The following RPTOR variants were observed in gnomAD, a reference collection of about 807,000 sequenced individuals.
The protein encoded by RPTOR is regulatory associated protein of MTOR complex 1.
In RPTOR, 21 loss-of-function variants were observed where a neutral mutation model predicts 169.9. The ratio of observed to expected loss-of-function variants is 0.12; its 90% confidence interval spans 0.09 to 0.18. RPTOR has a LOEUF of 0.18. RPTOR is among the 10% of genes least tolerant of loss of function. The pLI, the probability that RPTOR is intolerant of heterozygous loss-of-function variation, is 1.00. For synonymous variants in RPTOR, 732 were observed against 753.2 expected (o/e 0.97, Z 0.46); for missense variants, 1,133 against 1,855.9 (o/e 0.61, Z 7.16).
intron 6 of RPTOR, among the ~76,000 whole-genome samples, chr17:80,764,045 A>T (rs2066760960): frequency 6.6e-6 from 1 of 152,074 alleles, no homozygotes; most frequent in Non-Finnish European, 1.5e-5. Context: ...TTAGAAACTG[A>T]TTATTGATAT....
intron 20 of RPTOR, among the ~76,000 whole-genome samples, chr17:80,904,481 C>T (rs2068516411): frequency 1.3e-5 from 2 of 152,116 alleles, no homozygotes; most frequent in Non-Finnish European, 2.9e-5. Context: ...ATTTCCCCGC[C>T]GTGTATGCTA....
At chr17:80,673,878 G>A (rs184272104) in intron 3 of RPTOR, among the ~76,000 whole-genome samples, 9 of 152,336 alleles carry the variant, frequency 5.9e-5, no homozygotes, top group African/African-American at 1.7e-4. Flanking sequence ...CTGTGATACT[G>A]GCTGTTGTTT....
intron 21 of RPTOR, among the ~76,000 whole-genome samples, chr17:80,913,975 T>C (rs940903146): frequency 1.4e-4 from 21 of 152,248 alleles, no homozygotes; most frequent in African/African-American, 5.1e-4. Flanking sequence ...TGAGCATAAA[T>C]GCACAAACTC....
intron 4 of RPTOR, among the ~76,000 whole-genome samples, chr17:80,725,252 G>A (rs2143176792): frequency 6.6e-6 from 1 of 152,296 alleles, no homozygotes; most frequent in South Asian, 2.1e-4. Flanking sequence ...AGGCTGCGGC[G>A]ACAGACTGGT....
rs576859580 is a variant in RPTOR at position 80,942,795 on chromosome 17, T to C, written c.3025+2194T>C. Among the ~76,000 whole-genome samples the C allele has an allele frequency of 1.2e-4, 18 of 152,320 alleles. 2 individuals carry two copies. In the South Asian group the frequency reaches 3.3e-3, roughly 28 times the overall value. ...AGGCCCCTGCCCGGCTCTTCAGCCT[T>C]CTCCTGGGCAACATTCACGACCTTG... On this transcript the variant is annotated intron_variant, in intron 25 of 33. Coordinates refer to ENST00000306801, the MANE Select transcript of RPTOR (RefSeq NM_020761.3).
Position 80,784,426 on chromosome 17 carries a change from T to C in RPTOR, c.831-7024T>C, listed in dbSNP as rs1422271748. Among the ~76,000 whole-genome samples, 3 of 151,376 alleles carry C rather than the reference T, an allele frequency of 2.0e-5. No individual in the cohort carries two copies. In the East Asian group the frequency reaches 5.9e-4, roughly 30 times the overall value. ...CTTTTTTTGAGATGGAGTTTCACTC[T>C]TGTTGCCCAGGCTGGAGTGCAATGG... On this transcript the variant is annotated intron_variant, in intron 6 of 33. Coordinates refer to ENST00000306801, the MANE Select transcript of RPTOR (RefSeq NM_020761.3).
chr17:80,828,486 C>T (rs1056536423), intron 9 of RPTOR, among the ~76,000 whole-genome samples: 3 of 152,204 alleles, frequency 2.0e-5, no homozygotes, highest in Non-Finnish European at 4.4e-5. Flanking sequence ...GATGCCTGGC[C>T]GAGACCCGCC....
intron 1 of RPTOR, among the ~76,000 whole-genome samples, chr17:80,585,957 A>C (rs759566063): frequency 6.6e-6 from 1 of 151,084 alleles, no homozygotes; most frequent in Non-Finnish European, 1.5e-5. Context: ...CCTCAATACA[A>C]CGCATTAAAT....
intron 1 of RPTOR, among the ~76,000 whole-genome samples, chr17:80,594,808 T>C (rs2065133331): frequency 6.6e-6 from 1 of 152,224 alleles, no homozygotes; most frequent in Admixed American, 6.5e-5. Flanking sequence ...CCATGGTAAA[T>C]TGCCAGTTGG....
chr17:80,964,177 G>C, intron 33 of RPTOR, 85 bp from the exon 34 acceptor site: 1 of 1,126,484 alleles, frequency 8.9e-7, no homozygotes, highest in Non-Finnish European at 1.3e-6. Flanking sequence ...AGCTGCCTAA[G>C]GATGCGGGTT....
chr17:80,798,225 A>G (rs141686257), intron 7 of RPTOR, among the ~76,000 whole-genome samples: 10 of 152,234 alleles, frequency 6.6e-5, no homozygotes, highest in East Asian at 3.9e-4. Context: ...CCTGTAACCA[A>G]CTTCCCTCCT....
intron 1 of RPTOR, among the ~76,000 whole-genome samples, chr17:80,577,746 C>T (rs2064977459): frequency 6.6e-6 from 1 of 152,168 alleles, no homozygotes; most frequent in Non-Finnish European, 1.5e-5. Context: ...GGCTTCATGC[C>T]CATCTCCAGT....
In RPTOR at chr17:80,938,955, G is replaced by A. The variant is rs182442539; in HGVS notation, c.2920-1541G>A. Reference sequence around the variant, plus strand: ...CACGGAGAAACCGTTTTCTTTCTCCGCCACATTTACGTGCAAGGACGCAAA... The same window carrying A: ...CACGGAGAAACCGTTTTCTTTCTCCACCACATTTACGTGCAAGGACGCAAA... On this transcript the variant is annotated intron_variant, in intron 24 of 33. Transcript: ENST00000306801. 3.9e-5 allele frequency among the ~76,000 whole-genome samples: 6 copies of A among 152,268 alleles called. No individual in the cohort carries two copies. The East Asian group carries it at 5.8e-4, about 15-fold the overall frequency.
rs534133865 is a variant in RPTOR, at chr17:80,683,821, A to G, written c.349-24020A>G. Among the ~76,000 whole-genome samples, 10 of 152,276 alleles carry G rather than the reference A, an allele frequency of 6.6e-5. No individual in the cohort carries two copies. In the South Asian group the frequency reaches 1.9e-3, roughly 28 times the overall value. On this transcript the variant is annotated intron_variant, in intron 3 of 33. Coordinates refer to ENST00000306801, the MANE Select transcript of RPTOR (RefSeq NM_020761.3). ...GCAATTCCTTGCTTTCAGGCACGACAAGGTGGAGCAGCCTCATATTCTACC... is the reference window on the plus strand; with the variant it reads ...GCAATTCCTTGCTTTCAGGCACGACGAGGTGGAGCAGCCTCATATTCTACC...
At chr17:80,663,724 C>A (rs1360692663) in intron 3 of RPTOR, among the ~76,000 whole-genome samples, 1 of 152,050 alleles carries the variant, frequency 6.6e-6, no homozygotes, top group Non-Finnish European at 1.5e-5. Context: ...GCCTTTGAAA[C>A]CCCCTCTGAG....
intron 7 of RPTOR, 114 bp from the exon 8 acceptor site, chr17:80,822,087 T>A: frequency 1.1e-6 from 1 of 900,750 alleles, no homozygotes; most frequent in Non-Finnish European, 1.8e-6. Context: ...CTCAGAGCCT[T>A]CCTCCCTCGC....
intron 24 of RPTOR, among the ~76,000 whole-genome samples, chr17:80,930,092 C>T (rs2068858362): frequency 1.4e-5 from 2 of 145,774 alleles, no homozygotes; most frequent in Admixed American, 6.8e-5. Context: ...CCAGCGCATC[C>T]TCAACTCATC....
rs1015319448 is a variant in RPTOR, at chr17:80,845,987, T to G, written c.1213-486T>G. 2.0e-5 allele frequency among the ~76,000 whole-genome samples: 3 copies of G among 151,856 alleles called. No individual in the cohort carries two copies. The highest frequency in any genetic ancestry group is 7.3e-5 in the African/African-American group (3 of 41,296). On this transcript the variant is annotated intron_variant, in intron 10 of 33. Coordinates refer to ENST00000306801, the MANE Select transcript of RPTOR (RefSeq NM_020761.3). The surrounding 1 kb of genome is among the most constrained non-coding windows in gnomAD (Gnocchi z 5.4). ...CCAGCGCGGCCCCAGCTCATCTCCTTGGTCTCCATAGCAGAGGCTCTGTCC... is the reference window on the plus strand; with the variant it reads ...CCAGCGCGGCCCCAGCTCATCTCCTGGGTCTCCATAGCAGAGGCTCTGTCC...
chr17:80,887,188 C>T (rs974636756), intron 17 of RPTOR, among the ~76,000 whole-genome samples: 2 of 151,742 alleles, frequency 1.3e-5, no homozygotes, highest in Non-Finnish European at 2.9e-5. Context: ...GGCGCGCAGA[C>T]TCCGGAGGTG....
Sources: gnomAD v4.1 joint callset for allele counts (sites outside exome capture counted in the v4.1 genomes callset) on GRCh38, gnomAD v4.1.1 for gene constraint, Gnocchi (gnomAD v3.1) non-coding constraint, MANE v1.5 for transcripts, NCBI Gene and HGNC (gene_info 2026-07-23, HGNC 2026-07-21) for gene names.